Variants in DUSP22 observed in about 807,000 individuals in gnomAD.
The protein encoded by DUSP22 is dual specificity protein phosphatase 22.
A neutral mutation model predicts 24.5 loss-of-function variants in DUSP22; 24 were observed. The observed-to-expected ratio is 0.98, with a 90% CI of 0.71 to 1.38. The LOEUF (loss-of-function observed/expected upper bound fraction) is 1.38. Among genes scored for constraint, DUSP22 ranks in the 40% most tolerant of loss-of-function variants. The pLI, the probability that DUSP22 is intolerant of heterozygous loss-of-function variation, is 0.00. For synonymous variants in DUSP22, 160 were observed against 106.4 expected (o/e 1.50, Z -3.10); for missense variants, 330 against 269.2 (o/e 1.23, Z -1.58).
At chr6:308,525 G>A (rs1400221955) in intron 2 of DUSP22, among the ~76,000 whole-genome samples, 5 of 152,298 alleles carry the variant, frequency 3.3e-5, no homozygotes, top group Admixed American at 6.5e-5. Context: ...GAAGAGGGGA[G>A]GTGCTGGCCC....
chr6:343,935 T>A (rs1302286566), intron 4 of DUSP22, among the ~76,000 whole-genome samples: 2 of 152,308 alleles, frequency 1.3e-5, no homozygotes, highest in Non-Finnish European at 1.5e-5. Flanking sequence ...TAAAGAGAAG[T>A]CAGTTTAGTC....
intron 3 of DUSP22, among the ~76,000 whole-genome samples, chr6:321,431 G>T (rs1581166934): frequency 1.3e-5 from 2 of 152,428 alleles, no homozygotes; most frequent in South Asian, 4.1e-4. Flanking sequence ...TTAGAGTGGA[G>T]TGAGGGAGTT....
chr6:341,228 G>A (rs564927870), intron 4 of DUSP22, among the ~76,000 whole-genome samples: 1 of 152,426 alleles, frequency 6.6e-6, no homozygotes, highest in East Asian at 1.9e-4. Flanking sequence ...GCTCTCTGTG[G>A]ACTGAGCCTA....
intron 4 of DUSP22, among the ~76,000 whole-genome samples, chr6:343,374 T>TGGGGCAGCTGACTGGGTGGCTGCAGG (rs1759701688): frequency 6.6e-6 from 1 of 152,122 alleles, no homozygotes; most frequent in Non-Finnish European, 1.5e-5. Context: ...GTGCACAGGC[T>TGGGGCAGCTGACTGGGTGGCTGCAGG]GGGGCAGCTG....
chr6:307,598 G>C (rs1026812022), intron 2 of DUSP22, among the ~76,000 whole-genome samples: 1 of 152,310 alleles, frequency 6.6e-6, no homozygotes, highest in Non-Finnish European at 1.5e-5. Flanking sequence ...AAGGCAGGGA[G>C]TGGAAGCCAG....
intron 1 of DUSP22, among the ~76,000 whole-genome samples, chr6:295,874 C>T (rs1242818299): frequency 2.6e-5 from 4 of 151,964 alleles, no homozygotes; most frequent in African/African-American, 9.7e-5. Flanking sequence ...AAATCTCAGC[C>T]TCACGGTAGC....
intron 3 of DUSP22, among the ~76,000 whole-genome samples, chr6:333,426 C>T (rs1273334109): frequency 2.0e-5 from 3 of 152,302 alleles, no homozygotes; most frequent in African/African-American, 4.8e-5. Flanking sequence ...ACAAAATGTA[C>T]AGAAACTGTG....
At position 349,747 on chromosome 6, in the gene DUSP22, A is replaced by C. The variant is rs992091578; in HGVS notation, c.*796A>C. ...GAATGCACCAGGCTGAGGGTTCCCT[A>C]GCGCCTTGAGTCAAGGCCACTTTTC... On this transcript the variant is annotated 3_prime_UTR_variant, in exon 7 of 7. Transcript: ENST00000419235. 2 of 986,062 alleles carry C rather than the reference A, an allele frequency of 2.0e-6. No homozygotes were observed. Among genetic ancestry groups the C allele is most frequent in the South Asian group, 9.4e-5 (2 of 21,296 alleles). The allele number at this position is 986,062 out of a possible 1,614,324, so 61.1% of individuals were successfully genotyped here. A position where few individuals can be genotyped will look rare whatever the true frequency, so the allele number is the denominator to read the frequency against.
intron 4 of DUSP22, among the ~76,000 whole-genome samples, chr6:340,114 T>A (rs1759538696): frequency 6.6e-6 from 1 of 152,306 alleles, no homozygotes; most frequent in Non-Finnish European, 1.5e-5. Context: ...TAGTAAGTGG[T>A]AGAGAGGCCC....
At chr6:294,918 A>G (rs1371440388) in intron 1 of DUSP22, among the ~76,000 whole-genome samples, 1 of 152,288 alleles carries the variant, frequency 6.6e-6, no homozygotes, top group Non-Finnish European at 1.5e-5. Flanking sequence ...CCAGGCAAGG[A>G]ATCCTGCTGC....
At chr6:331,415 C>A (rs1220476895) in intron 3 of DUSP22, among the ~76,000 whole-genome samples, 1 of 152,294 alleles carries the variant, frequency 6.6e-6, no homozygotes, top group Non-Finnish European at 1.5e-5. Context: ...TCAGATTGTT[C>A]TAGAATTTTT....
chr6:315,317 C>T (rs1379315420), intron 3 of DUSP22, among the ~76,000 whole-genome samples: 2 of 152,300 alleles, frequency 1.3e-5, no homozygotes, highest in African/African-American at 4.8e-5. Flanking sequence ...ACAGAAATCC[C>T]AGCTAAACAG....
At chr6:331,332 AG>A (rs1304403807) in intron 3 of DUSP22, among the ~76,000 whole-genome samples, 10 of 152,308 alleles carry the variant, frequency 6.6e-5, no homozygotes, top group Non-Finnish European at 1.3e-4. Context: ...AGGTAGTATG[AG>A]GGAGTGAATA....
intron 3 of DUSP22, among the ~76,000 whole-genome samples, chr6:322,300 T>C (rs1033294142): frequency 6.6e-6 from 1 of 152,306 alleles, no homozygotes; most frequent in Non-Finnish European, 1.5e-5. Flanking sequence ...ATTCACAGCC[T>C]GTGAACACGT....
At chr6:336,725 T>C (rs1409506007) in intron 4 of DUSP22, among the ~76,000 whole-genome samples, 1 of 152,280 alleles carries the variant, frequency 6.6e-6, no homozygotes, top group Non-Finnish European at 1.5e-5. Flanking sequence ...TTGAGGATGG[T>C]GGAGGGGGGA....
intron 3 of DUSP22, among the ~76,000 whole-genome samples, chr6:314,659 G>C (rs926434108): frequency 2.1e-4 from 32 of 152,412 alleles, no homozygotes; most frequent in African/African-American, 7.5e-4. Flanking sequence ...TGTGTTGTCG[G>C]AATAAAGGCT....
At chr6:295,712 A>G (rs1338892776) in intron 1 of DUSP22, among the ~76,000 whole-genome samples, 1 of 152,072 alleles carries the variant, frequency 6.6e-6, no homozygotes, top group Non-Finnish European at 1.5e-5. Context: ...AGGTGGGAGA[A>G]TCACCTCAGC....
At chr6:292,949 C>G (rs561963630) in intron 1 of DUSP22, among the ~76,000 whole-genome samples, 10 of 152,284 alleles carry the variant, frequency 6.6e-5, no homozygotes, top group South Asian at 6.2e-4. Flanking sequence ...CCGCCCCCCC[C>G]ACATCATTAG....
chr6:319,875 G>C (rs1758513366), intron 3 of DUSP22: 1 of 152,390 alleles, frequency 6.6e-6, no homozygotes, highest in African/African-American at 2.4e-5. Flanking sequence ...AGGCAAATTT[G>C]TTTGAAGCCA....
Sources: allele counts gnomAD v4.1 joint callset (sites outside exome capture counted in the v4.1 genomes callset), GRCh38; gene constraint gnomAD v4.1.1; transcripts MANE v1.5; gene names NCBI Gene and HGNC (gene_info 2026-07-23, HGNC 2026-07-21).